TSPAN5: variants seen among roughly 807,000 people sequenced by gnomAD.
TSPAN5 encodes tetraspanin-5.
In TSPAN5, 10 loss-of-function variants were observed where a neutral mutation model predicts 37.1. The observed-to-expected ratio is 0.27, with a 90% confidence interval of 0.17 to 0.46. TSPAN5 has a LOEUF of 0.46. Ranked by LOEUF, TSPAN5 falls within the 20% of genes least tolerant of loss-of-function variation. The probability of loss-of-function intolerance (pLI) is 1.00; values close to 1 mark genes in which losing one functional copy is unlikely to be tolerated. For missense variants in TSPAN5, 195 were observed against 326.6 expected, an observed-to-expected ratio of 0.60 and a Z score of 3.11; for synonymous variants, 110 against 118.9, an observed-to-expected ratio of 0.93 and a Z score of 0.48.
intron 3 of TSPAN5, chr4:98,484,753 G>A (rs1038666162): frequency 1.4e-5 from 5 of 350,906 alleles, no homozygotes; most frequent in African/African-American, 4.3e-5. Flanking sequence ...CTTGAGGTCC[G>A]GAGTTCAAGA....
chr4:98,553,642 G>T (rs754320169), intron 1 of TSPAN5, among the ~76,000 whole-genome samples: 1 of 152,100 alleles, frequency 6.6e-6, no homozygotes, highest in South Asian at 2.1e-4. Flanking sequence ...GTGTTTTTGG[G>T]TATGTTTTCA....
At chr4:98,614,136 A>G (rs1756264415) in intron 1 of TSPAN5, among the ~76,000 whole-genome samples, 1 of 152,210 alleles carries the variant, frequency 6.6e-6, no homozygotes, top group Admixed American at 6.5e-5. Context: ...TGAGTTTTAC[A>G]GTCTTCAGAG....
intron 1 of TSPAN5, among the ~76,000 whole-genome samples, chr4:98,548,886 GGTGTGTGTGTGTGT>G (rs142527701): frequency 3.5e-5 from 2 of 57,342 alleles, no homozygotes; most frequent in Non-Finnish European, 4.9e-5. Context: ...AGTATTCCAA[GGTGTGTGTGTGTGT>G]GTGTGTGTGT....
intron 5 of TSPAN5, among the ~76,000 whole-genome samples, chr4:98,477,953 C>A (rs1752744742): frequency 6.6e-6 from 1 of 152,160 alleles, no homozygotes; most frequent in Non-Finnish European, 1.5e-5. Context: ...AACTACTATG[C>A]CTGGCTTAAG....
At chr4:98,569,443 A>G (rs1755071601) in intron 1 of TSPAN5, among the ~76,000 whole-genome samples, 1 of 152,108 alleles carries the variant, frequency 6.6e-6, no homozygotes, top group Non-Finnish European at 1.5e-5. Context: ...GGGAAAACCC[A>G]CTCTGACCAT....
intron 1 of TSPAN5, among the ~76,000 whole-genome samples, chr4:98,605,081 G>A (rs1409686107): frequency 2.0e-5 from 3 of 152,152 alleles, no homozygotes; most frequent in Non-Finnish European, 4.4e-5. Context: ...GTCAGTTTGT[G>A]AAGGTTTAAA....
intron 1 of TSPAN5, among the ~76,000 whole-genome samples, chr4:98,585,143 T>C (rs1396437792): frequency 1.3e-5 from 2 of 152,192 alleles, no homozygotes; most frequent in African/African-American, 4.8e-5. Context: ...AAAATTCTTA[T>C]ACATTTAGGG....
chr4:98,656,378 T>C (rs1757294573), intron 1 of TSPAN5, among the ~76,000 whole-genome samples: 1 of 152,180 alleles, frequency 6.6e-6, no homozygotes. Flanking sequence ...AATGTTCAAG[T>C]AGAAACAAGA....
chr4:98,570,126 C>G (rs1755088502), intron 1 of TSPAN5, among the ~76,000 whole-genome samples: 1 of 152,116 alleles, frequency 6.6e-6, no homozygotes, highest in Non-Finnish European at 1.5e-5. Flanking sequence ...TCAATGTTAT[C>G]CTTTCATCTT....
chr4:98,575,868 G>A (rs553137007), intron 1 of TSPAN5, among the ~76,000 whole-genome samples: 57 of 151,240 alleles, frequency 3.8e-4, no homozygotes, highest in African/African-American at 1.3e-3. Flanking sequence ...TCAGGAGATC[G>A]AGACCATCTG....
intron 1 of TSPAN5, among the ~76,000 whole-genome samples, chr4:98,649,517 G>GT (rs1348523637): frequency 6.6e-6 from 1 of 152,196 alleles, no homozygotes; most frequent in Non-Finnish European, 1.5e-5. Context: ...CAAAGTGTTC[G>GT]TTGGCTGCCA....
rs934481588 is a variant in TSPAN5 at position 98,519,269 on chromosome 4, T to C, written c.82-11541A>G. Among the ~76,000 whole-genome samples, 11 of 152,192 alleles carry C rather than the reference T, an allele frequency of 7.2e-5. No homozygotes were observed. The South Asian group carries it at 1.2e-3, about 17-fold the overall frequency. On this transcript the variant is annotated intron_variant, in intron 1 of 7. Transcript: ENST00000305798. ...ACTTTGGGAGGCCAATGTGGGAGGA[T>C]TGCTTGAGTCCAGGAGTTTGAGACC...
chr4:98,575,676 G>A (rs1755217165), intron 1 of TSPAN5, among the ~76,000 whole-genome samples: 1 of 151,208 alleles, frequency 6.6e-6, no homozygotes, highest in Admixed American at 6.6e-5. Flanking sequence ...TCCCACAACA[G>A]TCACATAATA....
chr4:98,473,227 A>G (rs1009430731), intron 7 of TSPAN5, among the ~76,000 whole-genome samples: 1 of 152,220 alleles, frequency 6.6e-6, no homozygotes, highest in Non-Finnish European at 1.5e-5. Flanking sequence ...TGGTAGCACT[A>G]TATTTAACTT....
At chr4:98,559,650 G>A (rs1158632477) in intron 1 of TSPAN5, among the ~76,000 whole-genome samples, 1 of 152,114 alleles carries the variant, frequency 6.6e-6, no homozygotes, top group Non-Finnish European at 1.5e-5. Flanking sequence ...AAGCTTTTCT[G>A]CATTTGCAAA....
At chr4:98,497,380 C>T (rs1320988562) in intron 2 of TSPAN5, among the ~76,000 whole-genome samples, 1 of 151,868 alleles carries the variant, frequency 6.6e-6, no homozygotes, top group Non-Finnish European at 1.5e-5. Flanking sequence ...TCTGCCATGC[C>T]AGCACACAGC....
chr4:98,618,073 C>T (rs748840261), intron 1 of TSPAN5, among the ~76,000 whole-genome samples: 6 of 152,162 alleles, frequency 3.9e-5, no homozygotes, highest in Non-Finnish European at 5.9e-5. Flanking sequence ...TGACCCTGTC[C>T]GGAAAGGGAA....
chr4:98,535,633 A>G (rs1754213215), intron 1 of TSPAN5, among the ~76,000 whole-genome samples: 1 of 152,142 alleles, frequency 6.6e-6, no homozygotes. Flanking sequence ...GTGTTTTCCA[A>G]CTTGGTTCCA....
chr4:98,610,112 T>C (rs963755312), intron 1 of TSPAN5, among the ~76,000 whole-genome samples: 2 of 152,198 alleles, frequency 1.3e-5, no homozygotes, highest in African/African-American at 4.8e-5. Flanking sequence ...ACTGGGTAAT[T>C]TGTAAAGAAA....
Sources: allele counts gnomAD v4.1 joint callset (sites outside exome capture counted in the v4.1 genomes callset), GRCh38; gene constraint gnomAD v4.1.1; transcripts MANE v1.5; gene names NCBI Gene and HGNC (gene_info 2026-07-23, HGNC 2026-07-21).